CA8: variants seen among roughly 807,000 people sequenced by gnomAD.
CA8 encodes the protein carbonic anhydrase 8 (inactive).
Under a neutral mutation model 41.4 loss-of-function variants are expected in CA8, and 22 were observed. That is an observed-to-expected ratio of 0.53 (90% CI 0.38 to 0.76). CA8 has a LOEUF of 0.76. Ranked by LOEUF, CA8 falls within the 30% of genes least tolerant of loss-of-function variation. The pLI, the probability that CA8 is intolerant of heterozygous loss-of-function variation, is 0.00. For synonymous variants in CA8, 121 were observed against 130.6 expected (o/e 0.93, Z 0.50); for missense variants, 270 against 352.8 (o/e 0.77, Z 1.88).
intron 7 of CA8, among the ~76,000 whole-genome samples, chr8:60,213,599 G>C (rs894383601): frequency 6.6e-6 from 1 of 152,190 alleles, no homozygotes; most frequent in Non-Finnish European, 1.5e-5. Flanking sequence ...AGATGTGCTG[G>C]AAGTGCAGAA....
At chr8:60,221,779 GGAA>G (rs1442881491) in intron 7 of CA8, among the ~76,000 whole-genome samples, 1 of 152,082 alleles carries the variant, frequency 6.6e-6, no homozygotes, top group Non-Finnish European at 1.5e-5. Flanking sequence ...ATTAAATGTT[GGAA>G]GAAGGATTTT....
intron 3 of CA8, among the ~76,000 whole-genome samples, chr8:60,252,498 T>TA (rs1459133069): frequency 6.6e-6 from 1 of 152,222 alleles, no homozygotes; most frequent in Non-Finnish European, 1.5e-5. Flanking sequence ...AATCCTTAGT[T>TA]AAATTCACTC....
rs552367128 is a variant in CA8, at chr8:60,280,764, G to A, written c.100+284C>T. Among the ~76,000 whole-genome samples the A allele has an allele frequency of 2.0e-5, 3 of 152,376 alleles. No homozygotes were observed. The East Asian group carries it at 5.8e-4, about 29-fold the overall frequency. ...TAAAAGGTACAGCCACGGCTTGGAG[G>A]CTAGCCCGCCCTCCGGACCGCAGCA... On this transcript the variant is annotated intron_variant, in intron 1 of 8. Coordinates refer to ENST00000317995, the MANE Select transcript of CA8 (RefSeq NM_004056.6).
intron 3 of CA8, among the ~76,000 whole-genome samples, chr8:60,258,158 C>G (rs1353611449): frequency 6.6e-6 from 1 of 152,214 alleles, no homozygotes; most frequent in Non-Finnish European, 1.5e-5. Flanking sequence ...TCTCAGAGAT[C>G]AGATTCACTG....
At chr8:60,271,363 GAA>G (rs2130614206) in intron 2 of CA8, among the ~76,000 whole-genome samples, 1 of 151,722 alleles carries the variant, frequency 6.6e-6, no homozygotes, top group East Asian at 1.9e-4. Context: ...CAGAGAGAGA[GAA>G]AAGAAAGAAG....
intron 8 of CA8, among the ~76,000 whole-genome samples, chr8:60,200,213 T>C (rs1382389854): frequency 2.0e-5 from 3 of 152,226 alleles, no homozygotes. Flanking sequence ...AACCTGCTGG[T>C]GCCTTGATCT....
chr8:60,206,927 T>A (rs942960185), intron 8 of CA8, among the ~76,000 whole-genome samples: 5 of 151,980 alleles, frequency 3.3e-5, no homozygotes, highest in African/African-American at 1.2e-4. Flanking sequence ...AAGTTCTATT[T>A]CTTTTGTTTA....
chr8:60,269,592 T>C (rs1054437408), intron 2 of CA8, among the ~76,000 whole-genome samples: 34 of 152,250 alleles, frequency 2.2e-4, no homozygotes, highest in Admixed American at 2.0e-3. Flanking sequence ...ATGATGTATA[T>C]ACATTTATCT....
chr8:60,192,936 T>TGCAC (rs1554573971), intron 8 of CA8, among the ~76,000 whole-genome samples: 4 of 61,868 alleles, frequency 6.5e-5, no homozygotes, highest in South Asian at 5.8e-4. Flanking sequence ...GTCAACATCA[T>TGCAC]GCACACACAC....
rs974576578 is a variant in CA8 at position 60,232,217 on chromosome 8, A to G, written c.513+67T>C. ...CTAAGCAATAAAATTGAGAATAAAA[A>G]AATTTTACAAAATGATTTAGAAATT... On this transcript the variant is annotated intron_variant, in intron 4 of 8. Transcript: ENST00000317995. 4.8e-6 allele frequency: 6 copies of G among 1,252,828 alleles called. No homozygotes were observed. The African/African-American group carries it at 8.8e-5, about 18-fold the overall frequency. The allele number at this position is 1,252,828 out of a possible 1,614,324, so 77.6% of individuals were successfully genotyped here. A position where few individuals can be genotyped will look rare whatever the true frequency, so the allele number is the denominator to read the frequency against.
chr8:60,201,278 G>T (rs1806420056), intron 8 of CA8, among the ~76,000 whole-genome samples: 1 of 152,196 alleles, frequency 6.6e-6, no homozygotes, highest in South Asian at 2.1e-4. Context: ...TTAATTAAAA[G>T]ACCTAGTCTA....
At chr8:60,280,790 G>A (rs1382555277) in intron 1 of CA8, among the ~76,000 whole-genome samples, 1 of 152,262 alleles carries the variant, frequency 6.6e-6, no homozygotes, top group African/African-American at 2.4e-5. Flanking sequence ...GACCGCAGCA[G>A]GTGCGAACGC....
chr8:60,241,413 A>G (rs1256634754), intron 3 of CA8, among the ~76,000 whole-genome samples: 1 of 152,254 alleles, frequency 6.6e-6, no homozygotes, highest in Non-Finnish European at 1.5e-5. Flanking sequence ...AAAGGTATTT[A>G]TAGTGTTCTT....
Position 60,211,799 on chromosome 8 carries a change from T to C in CA8, c.739-2880A>G, listed in dbSNP as rs945179705. On this transcript the variant is annotated intron_variant, in intron 7 of 8. Transcript: ENST00000317995. The stretch of plus-strand genomic sequence containing the variant: ...TGTCTTTCTGAAATGCCAATTTTTC[T>C]AAAGCAACCACCCCCAAAACCCTTT... 3.3e-5 allele frequency among the ~76,000 whole-genome samples: 5 copies of C among 152,214 alleles called. No individual in the cohort carries two copies. In the East Asian group the frequency reaches 9.6e-4, roughly 29 times the overall value.
chr8:60,227,517 C>G lies in CA8; in HGVS notation c.514-582G>C, dbSNP rs138700795. Among the ~76,000 whole-genome samples the G allele has an allele frequency of 8.3e-3, 1,193 of 144,514 alleles. 20 individuals are homozygous for G. The highest frequency in any genetic ancestry group is 0.028 in the African/African-American group (1,115 of 40,520). The allele number at this position is 144,514 out of a possible 152,430, so 94.8% of individuals were successfully genotyped here. Reference sequence around the variant, plus strand: ...ACTCACTTTGCTATATGTAGTATATCAAATTACAAAATACTGTTAAATATA... The same window carrying G: ...ACTCACTTTGCTATATGTAGTATATGAAATTACAAAATACTGTTAAATATA... On this transcript the variant is annotated intron_variant, in intron 4 of 8. Coordinates refer to ENST00000317995, the MANE Select transcript of CA8 (RefSeq NM_004056.6).
At chr8:60,251,550 G>A (rs1425145164) in intron 3 of CA8, among the ~76,000 whole-genome samples, 3 of 152,142 alleles carry the variant, frequency 2.0e-5, no homozygotes, top group Non-Finnish European at 4.4e-5. Context: ...CGGGTCTCCT[G>A]AGCCTCATGC....
chr8:60,232,392 CA>C lies in CA8; in HGVS notation c.418-14del, dbSNP rs773044449. On this transcript the variant is annotated splice_polypyrimidine_tract_variant and intron_variant, in intron 3 of 8. Coordinates refer to ENST00000317995, the MANE Select transcript of CA8 (RefSeq NM_004056.6). ...GGATCAGATGGAGCTGAGTGAGTGG[CA>C]ACAGACAGACCACATCATTTAATGT... 1 of 1,556,680 alleles carries C rather than the reference CA, an allele frequency of 6.4e-7. No homozygotes were observed. Among genetic ancestry groups the C allele is most frequent in the South Asian group, 1.1e-5 (1 of 89,898 alleles).
At chr8:60,271,453 A>C (rs766934290) in intron 2 of CA8, among the ~76,000 whole-genome samples, 3 of 152,216 alleles carry the variant, frequency 2.0e-5, no homozygotes, top group African/African-American at 2.4e-5. Context: ...AATTTTTAAG[A>C]TATTTTTGAC....
intron 8 of CA8, among the ~76,000 whole-genome samples, chr8:60,207,401 T>C (rs1263892556): frequency 6.6e-6 from 1 of 152,182 alleles, no homozygotes; most frequent in Non-Finnish European, 1.5e-5. Context: ...TCTCTACTCT[T>C]GAAATGCTAA....
Sources: allele counts gnomAD v4.1 joint callset (sites outside exome capture counted in the v4.1 genomes callset), GRCh38; gene constraint gnomAD v4.1.1; transcripts MANE v1.5; gene names NCBI Gene and HGNC (gene_info 2026-07-23, HGNC 2026-07-21).